Variants in RREB1 observed in about 807,000 individuals in gnomAD.
RREB1 encodes ras-responsive element-binding protein 1.
Under a neutral mutation model 117.8 loss-of-function variants are expected in RREB1, and 27 were observed. The observed-to-expected ratio is 0.23, with a 90% CI of 0.17 to 0.32. RREB1 has a LOEUF of 0.32. RREB1 is among the 10% of genes least tolerant of loss of function. RREB1 has a pLI of 1.00. For missense variants in RREB1, 2,577 were observed against 2,378.2 expected (o/e 1.08, Z -1.74); for synonymous variants, 1,298 against 1,026.7 (o/e 1.26, Z -5.05).
intron 1 of RREB1, among the ~76,000 whole-genome samples, chr6:7,173,013 T>G (rs1246120633): frequency 6.6e-6 from 1 of 152,184 alleles, no homozygotes. Flanking sequence ...ATCTCTTAAC[T>G]AAAACTTGTA....
intron 1 of RREB1, among the ~76,000 whole-genome samples, chr6:7,142,389 C>T (rs1007763375): frequency 2.0e-5 from 3 of 152,168 alleles, no homozygotes; most frequent in African/African-American, 7.2e-5. Context: ...CAAAGCTGGA[C>T]GCCCTTGTGT....
intron 1 of RREB1, among the ~76,000 whole-genome samples, chr6:7,127,487 G>A (rs1444156468): frequency 6.6e-6 from 1 of 152,118 alleles, no homozygotes. Context: ...ACAATGTTTA[G>A]ACTTCCCTAA....
chr6:7,135,041 C>T (rs1360910241), intron 1 of RREB1, among the ~76,000 whole-genome samples: 1 of 152,192 alleles, frequency 6.6e-6, no homozygotes, highest in Non-Finnish European at 1.5e-5. Flanking sequence ...TACTTAATGA[C>T]TCTCCCTTGG....
intron 5 of RREB1, 109 bp from the exon 6 acceptor site, chr6:7,189,050 C>A: frequency 9.4e-7 from 1 of 1,058,260 alleles, no homozygotes; most frequent in Non-Finnish European, 1.3e-6. Context: ...AAACACATAG[C>A]CAAGAAAGTT....
At chr6:7,183,864 ACGGAGC>A (rs1764931489) in intron 4 of RREB1, 1 of 152,236 alleles carries the variant, frequency 6.6e-6, no homozygotes, top group Admixed American at 6.5e-5. Flanking sequence ...GTGCTGAGAG[ACGGAGC>A]CTGGGGAAAG....
chr6:7,233,057 A>G (rs561481146), intron 10 of RREB1, among the ~76,000 whole-genome samples: 1 of 152,178 alleles, frequency 6.6e-6, no homozygotes, highest in African/African-American at 2.4e-5. Context: ...CACCATGCCC[A>G]GCTAATTTTT....
At chr6:7,136,972 C>T (rs1192127866) in intron 1 of RREB1, among the ~76,000 whole-genome samples, 1 of 152,234 alleles carries the variant, frequency 6.6e-6, no homozygotes, top group Non-Finnish European at 1.5e-5. Flanking sequence ...GCCACCGCGG[C>T]ACCTGGCCTC....
intron 1 of RREB1, among the ~76,000 whole-genome samples, chr6:7,146,112 C>G (rs948302654): frequency 2.6e-5 from 4 of 152,036 alleles, no homozygotes; most frequent in Non-Finnish European, 5.9e-5. Context: ...CACACACACA[C>G]AGATACACAC....
In RREB1 at chr6:7,248,679, G is replaced by A. The variant is rs778865424; in HGVS notation, c.4940G>A (p.Ser1647Asn). ...GACAGCGAGAATGAGTCCACCCACA[G>A]CGGCAACAACGCCGTCTCAGAGAAC... ...EEDSENESTH[S>N]GNNAVSENEA... Residue 1647 changes from serine to asparagine, a missense_variant, in exon 13 of 13, where the codon AGC (serine) becomes AAC (asparagine). Physicochemically the swap from Ser to Asn is conservative, Grantham distance 46. Coordinates refer to ENST00000379938, the MANE Select transcript of RREB1 (RefSeq NM_001003699.4). 8 of 1,614,178 alleles carry A rather than the reference G, an allele frequency of 5.0e-6. No individual in the cohort carries two copies. In the East Asian group the frequency reaches 1.8e-4, roughly 36 times the overall value.
intron 1 of RREB1, chr6:7,140,744 A>G (rs923177735): frequency 6.6e-6 from 1 of 152,254 alleles, no homozygotes; most frequent in African/African-American, 2.4e-5. Flanking sequence ...TTGCGAAGAT[A>G]GAACAAGAGT....
chr6:7,189,257 T>C lies in RREB1; in HGVS notation c.360T>C (p.Ser120=). Residue 120 remains serine, a synonymous_variant, in exon 6 of 13, where the codon TCT becomes TCC. Transcript: ENST00000379938. The part of the protein sequence containing the change: ...SSLDRHMLVH[S]GERPYKCTVC... ...TCGATCGCCACATGCTGGTGCACTC[T>C]GGCGAGAGGCCTTACAAGTGCACTG... 2 of 1,609,892 alleles carry C rather than the reference T, an allele frequency of 1.2e-6. No individual in the cohort carries two copies. Among genetic ancestry groups the C allele is most frequent in the Non-Finnish European group, 1.7e-6 (2 of 1,177,818 alleles).
At chr6:7,174,547 T>A (rs1347146356) in intron 1 of RREB1, among the ~76,000 whole-genome samples, 1 of 152,250 alleles carries the variant, frequency 6.6e-6, no homozygotes, top group Admixed American at 6.5e-5. Context: ...AATGGAAGTC[T>A]TAGCTACATG....
At chr6:7,184,073 G>C (rs933745706) in intron 4 of RREB1, 2 of 152,138 alleles carry the variant, frequency 1.3e-5, no homozygotes, top group Non-Finnish European at 2.9e-5. Flanking sequence ...TTAGGGTGCT[G>C]GGCGTGGTGG....
intron 1 of RREB1, among the ~76,000 whole-genome samples, chr6:7,119,266 G>A (rs566697702): frequency 2.0e-5 from 3 of 152,110 alleles, no homozygotes; most frequent in Admixed American, 6.5e-5. Flanking sequence ...CAGGAGAATC[G>A]CTTGAACCCT....
intron 5 of RREB1, among the ~76,000 whole-genome samples, chr6:7,188,304 A>G (rs936409999): frequency 2.0e-5 from 3 of 151,640 alleles, no homozygotes; most frequent in Non-Finnish European, 4.4e-5. Flanking sequence ...AGGCTGGAGT[A>G]CAGTGGTGCG....
In RREB1 at chr6:7,231,678, C is replaced by A. The variant is rs778949603; in HGVS notation, c.3579C>A (p.Phe1193Leu). The change falls in exon 10 of 13, where the codon TTC (phenylalanine) becomes TTA (leucine). Residue 1193 changes from phenylalanine to leucine, a missense_variant. By Grantham distance (22) the Phe-to-Leu change is conservative (BLOSUM62 0). Transcript: ENST00000379938. ...TGGCCACCACAGACACCAACAAGTT[C>A]AGTCCGTTTCTGCAGACAGCGGAGG... is the stretch of plus-strand genomic sequence containing the variant. ...KMLATTDTNK[F>L]SPFLQTAEDN... is the part of the protein sequence containing the mutation. 19 of 1,611,918 alleles carry A rather than the reference C, an allele frequency of 1.2e-5. No individual in the cohort carries two copies. Among genetic ancestry groups the A allele is most frequent in the Non-Finnish European group, 1.5e-5 (18 of 1,178,624 alleles).
intron 1 of RREB1, among the ~76,000 whole-genome samples, chr6:7,115,661 G>C (rs1020901032): frequency 2.6e-5 from 4 of 152,094 alleles, no homozygotes; most frequent in Admixed American, 6.5e-5. Context: ...CCTGCAGAAC[G>C]CACTCTGCGT....
intron 2 of RREB1, 134 bp from the exon 3 acceptor site, chr6:7,180,990 C>T: frequency 2.6e-6 from 1 of 390,326 alleles, no homozygotes; most frequent in Non-Finnish European, 4.5e-6. Context: ...GAAAGAAAGG[C>T]AGACATTGCC....
At position 7,249,101 on chromosome 6, in the gene RREB1, G is replaced by GAGACAGAGAGAGACAGACAGACAGAC; in HGVS notation, c.*138_*139insGAGAGAGACAGACAGACAGACAGACA. On this transcript the variant is annotated 3_prime_UTR_variant, in exon 13 of 13. Transcript: ENST00000379938. ...AGAGAGAGAGAGAGAGAGAGAGAGA[G>GAGACAGAGAGAGACAGACAGACAGAC]AGACAAGCAGGAGCGTGGCTGCTCG... 1.7e-6 allele frequency: 1 copy of GAGACAGAGAGAGACAGACAGACAGAC among 592,046 alleles called. No homozygotes were observed. The allele number at this position is 592,046 out of a possible 1,614,324, so 36.7% of individuals were successfully genotyped here. A position where few individuals can be genotyped will look rare whatever the true frequency, so the allele number is the denominator to read the frequency against.
Sources: gnomAD v4.1 joint callset for allele counts (sites outside exome capture counted in the v4.1 genomes callset) on GRCh38, gnomAD v4.1.1 for gene constraint, MANE v1.5 for transcripts, NCBI Gene and HGNC (gene_info 2026-07-23, HGNC 2026-07-21) for gene names.